The following CHCHD3 variants were observed in gnomAD, a reference collection of about 807,000 sequenced individuals.
The protein encoded by CHCHD3 is MICOS complex subunit MIC19.
In CHCHD3, 20 loss-of-function variants were observed where a neutral mutation model predicts 38.2. That is an observed-to-expected ratio of 0.52 (90% CI 0.37 to 0.76). The LOEUF (loss-of-function observed/expected upper bound fraction) is 0.76. Ranked by LOEUF, CHCHD3 falls within the 30% of genes least tolerant of loss-of-function variation. The probability of loss-of-function intolerance (pLI) is 0.00; values close to 1 mark genes in which losing one functional copy is unlikely to be tolerated. For synonymous variants in CHCHD3, 82 were observed against 100.0 expected, an observed-to-expected ratio of 0.82 and a Z score of 1.07; for missense variants, 245 against 279.2, an observed-to-expected ratio of 0.88 and a Z score of 0.87.
intron 6 of CHCHD3, among the ~76,000 whole-genome samples, chr7:132,801,279 A>T (rs1450789374): frequency 6.6e-6 from 1 of 152,182 alleles, no homozygotes; most frequent in Non-Finnish European, 1.5e-5. Context: ...TTTCAGAGTA[A>T]AATGTAGTCT....
At chr7:132,942,054 A>G (rs897238962) in intron 4 of CHCHD3, among the ~76,000 whole-genome samples, 1 of 152,178 alleles carries the variant, frequency 6.6e-6, no homozygotes, top group African/African-American at 2.4e-5. Context: ...GCTAGAAAGC[A>G]AATCACTCTA....
At chr7:132,851,636 C>T (rs1808221494) in intron 5 of CHCHD3, among the ~76,000 whole-genome samples, 1 of 152,178 alleles carries the variant, frequency 6.6e-6, no homozygotes, top group Non-Finnish European at 1.5e-5. Flanking sequence ...AGGGTTATCA[C>T]AAGAATTTAC....
intron 2 of CHCHD3, among the ~76,000 whole-genome samples, chr7:133,059,691 G>A (rs1056483568): frequency 1.3e-5 from 2 of 152,154 alleles, no homozygotes; most frequent in African/African-American, 4.8e-5. Context: ...GGTCTGCTAC[G>A]ATTGAGACCT....
intron 4 of CHCHD3, among the ~76,000 whole-genome samples, chr7:132,940,970 T>A (rs1010246387): frequency 1.3e-5 from 2 of 152,138 alleles, no homozygotes; most frequent in Non-Finnish European, 2.9e-5. Context: ...AATTCCAATA[T>A]AACCCAAGAA....
chr7:133,014,269 T>G (rs1358421923), intron 3 of CHCHD3, among the ~76,000 whole-genome samples: 1 of 151,756 alleles, frequency 6.6e-6, no homozygotes, highest in Non-Finnish European at 1.5e-5. Flanking sequence ...ATGGTTAATC[T>G]GTGTTTTAAT....
chr7:132,835,377 T>G (rs1452188603), intron 6 of CHCHD3, among the ~76,000 whole-genome samples: 1 of 152,200 alleles, frequency 6.6e-6, no homozygotes, highest in African/African-American at 2.4e-5. Context: ...CAAGGCCAAT[T>G]TCTTACTACA....
At chr7:132,878,089 T>C (rs566216545) in intron 5 of CHCHD3, among the ~76,000 whole-genome samples, 82 of 152,326 alleles carry the variant, frequency 5.4e-4, no homozygotes, top group African/African-American at 1.7e-3. Context: ...GTTTATATTT[T>C]AGTATCTCAG....
intron 4 of CHCHD3, among the ~76,000 whole-genome samples, chr7:132,889,438 T>G (rs1414683700): frequency 1.3e-5 from 2 of 152,106 alleles, no homozygotes; most frequent in African/African-American, 2.4e-5. Flanking sequence ...ACAAATTTAA[T>G]TTTGAAGAGC....
chr7:132,892,671 C>CAGA (rs1809392400), intron 4 of CHCHD3, among the ~76,000 whole-genome samples: 1 of 152,126 alleles, frequency 6.6e-6, no homozygotes, highest in African/African-American at 2.4e-5. Flanking sequence ...TGGACCAGAC[C>CAGA]CAGGGCACTG....
intron 4 of CHCHD3, among the ~76,000 whole-genome samples, chr7:132,944,500 A>G (rs1810849071): frequency 6.6e-6 from 1 of 152,034 alleles, no homozygotes. Context: ...ACATTAAAAG[A>G]ATAGCTGGAA....
intron 2 of CHCHD3, among the ~76,000 whole-genome samples, chr7:133,038,759 G>A (rs970493567): frequency 3.9e-5 from 6 of 152,160 alleles, no homozygotes; most frequent in Non-Finnish European, 8.8e-5. Context: ...GTTCTATAGA[G>A]ATCCACTTCC....
In CHCHD3 at chr7:133,035,682, C is replaced by T; in HGVS notation, c.170-11055G>A. ...AGTACTTCCCCGCAGCTCCTCATTG[C>T]TCACATAGTAGGCAATGGCGTTGCT... On this transcript the variant is annotated intron_variant, in intron 2 of 7. Transcript: ENST00000262570. The surrounding 1 kb of genome is among the most constrained non-coding windows in gnomAD (Gnocchi z 4.7). The T allele has an allele frequency of 6.2e-7, 1 of 1,613,218 alleles. No individual in the cohort carries two copies.
intron 4 of CHCHD3, among the ~76,000 whole-genome samples, chr7:132,940,639 G>T (rs984378323): frequency 6.6e-6 from 1 of 152,074 alleles, no homozygotes; most frequent in Non-Finnish European, 1.5e-5. Context: ...TTCAACGTCT[G>T]GCTTTCAGCA....
chr7:133,012,883 T>A (rs1477483272), intron 3 of CHCHD3, among the ~76,000 whole-genome samples: 1 of 149,142 alleles, frequency 6.7e-6, no homozygotes, highest in East Asian at 2.0e-4. Flanking sequence ...AAACCTTCAA[T>A]AACCGACATC....
chr7:132,897,925 T>C (rs1394392235), intron 4 of CHCHD3, among the ~76,000 whole-genome samples: 1 of 152,210 alleles, frequency 6.6e-6, no homozygotes, highest in African/African-American at 2.4e-5. Context: ...CCGGAGTTTG[T>C]TCCTTCTGAT....
intron 3 of CHCHD3, among the ~76,000 whole-genome samples, chr7:133,018,506 G>A (rs908957162): frequency 6.6e-6 from 1 of 152,130 alleles, no homozygotes; most frequent in Non-Finnish European, 1.5e-5. Flanking sequence ...CAATAGTACT[G>A]ATTCCCTGAA....
At chr7:132,907,500 G>C (rs942626385) in intron 4 of CHCHD3, among the ~76,000 whole-genome samples, 1 of 152,074 alleles carries the variant, frequency 6.6e-6, no homozygotes, top group Non-Finnish European at 1.5e-5. Flanking sequence ...AAAGGCCATC[G>C]CAAGAAAGGG....
intron 5 of CHCHD3, among the ~76,000 whole-genome samples, chr7:132,854,368 G>A (rs1367181499): frequency 6.6e-6 from 1 of 152,134 alleles, no homozygotes; most frequent in East Asian, 1.9e-4. Context: ...GAGAAAAAAG[G>A]AGAGAAGAAA....
rs10234432 is a variant in CHCHD3, at chr7:133,053,081, C to T, written c.169+17061G>A. ...ACTCTAAACTTCCTCCAAATTCACA[C>T]GGCATTTTCTCTATATTTTTCTCTT... On this transcript the variant is annotated intron_variant, in intron 2 of 7. Transcript: ENST00000262570. 4.9e-4 allele frequency among the ~76,000 whole-genome samples: 75 copies of T among 152,326 alleles called. 1 individual carries two copies. The highest frequency in any genetic ancestry group is 3.4e-3 in the Middle Eastern group (1 of 294).
Sources: gnomAD v4.1 joint callset for allele counts (sites outside exome capture counted in the v4.1 genomes callset) on GRCh38, gnomAD v4.1.1 for gene constraint, Gnocchi (gnomAD v3.1) non-coding constraint, MANE v1.5 for transcripts, NCBI Gene and HGNC (gene_info 2026-07-23, HGNC 2026-07-21) for gene names.